ANKRD30BL: variants seen among roughly 807,000 people sequenced by gnomAD.
ANKRD30BL encodes putative ankyrin repeat domain-containing protein 30B-like.
A neutral mutation model predicts 18.4 loss-of-function variants in ANKRD30BL; 20 were observed. The ratio of observed to expected loss-of-function variants is 1.09; its 90% CI spans 0.77 to 1.58. The LOEUF (loss-of-function observed/expected upper bound fraction) is 1.58. ANKRD30BL is among the 40% of genes most tolerant of loss of function. ANKRD30BL has a pLI of 0.00. For missense variants in ANKRD30BL, 224 were observed against 268.6 expected, an observed-to-expected ratio of 0.83 and a Z score of 1.16; for synonymous variants, 72 against 100.9, an observed-to-expected ratio of 0.71 and a Z score of 1.72.
intron 1 of ANKRD30BL, among the ~76,000 whole-genome samples, chr2:132,179,693 G>A (rs1688428714): frequency 6.6e-6 from 1 of 152,108 alleles, no homozygotes; most frequent in Admixed American, 6.5e-5. Flanking sequence ...CAGAAGGAGG[G>A]ATTGTTATCA....
intron 1 of ANKRD30BL, among the ~76,000 whole-genome samples, chr2:132,253,559 C>G (rs75496272): frequency 6.6e-6 from 1 of 152,144 alleles, no homozygotes; most frequent in Admixed American, 6.5e-5. Flanking sequence ...GCAGCATGCA[C>G]GACAGCACGA....
intron 1 of ANKRD30BL, among the ~76,000 whole-genome samples, chr2:132,203,882 G>T (rs1364431381): frequency 6.6e-6 from 1 of 152,078 alleles, no homozygotes; most frequent in Admixed American, 6.5e-5. Context: ...TCTGATTGAT[G>T]TTTAGATACT....
intron 1 of ANKRD30BL, among the ~76,000 whole-genome samples, chr2:132,232,968 C>A (rs984627244): frequency 3.2e-4 from 49 of 152,188 alleles, no homozygotes; most frequent in African/African-American, 1.1e-3. Context: ...GGAAGCCCAC[C>A]AGACTAACAG....
At chr2:132,187,104 G>A (rs1688574016) in intron 1 of ANKRD30BL, among the ~76,000 whole-genome samples, 1 of 147,538 alleles carries the variant, frequency 6.8e-6, no homozygotes, top group African/African-American at 2.5e-5. Flanking sequence ...AGGCAGCTAA[G>A]ATATTTATTT....
chr2:132,246,068 A>G (rs200366352), intron 1 of ANKRD30BL, among the ~76,000 whole-genome samples: 2 of 150,858 alleles, frequency 1.3e-5, no homozygotes, highest in Non-Finnish European at 1.5e-5. Flanking sequence ...CACTCTTTTT[A>G]TAGAATCTGC....
chr2:132,160,634 T>G (rs1041419358), intron 1 of ANKRD30BL, among the ~76,000 whole-genome samples: 1 of 150,992 alleles, frequency 6.6e-6, no homozygotes, highest in Non-Finnish European at 1.5e-5. Context: ...GAGACCGTGT[T>G]AGCCAGGATG....
At chr2:132,217,632 C>T (rs533221335) in intron 1 of ANKRD30BL, among the ~76,000 whole-genome samples, 3 of 152,370 alleles carry the variant, frequency 2.0e-5, no homozygotes, top group Admixed American at 2.0e-4. Context: ...TAGAAGTTTT[C>T]TCAGAAACTA....
At chr2:132,215,753 T>A (rs529381663) in intron 1 of ANKRD30BL, among the ~76,000 whole-genome samples, 1 of 152,044 alleles carries the variant, frequency 6.6e-6, no homozygotes, top group African/African-American at 2.4e-5. Flanking sequence ...TGTGCATTCA[T>A]CTCAGAGAGT....
intron 1 of ANKRD30BL, among the ~76,000 whole-genome samples, chr2:132,220,800 G>T (rs1270237706): frequency 6.6e-6 from 1 of 151,694 alleles, no homozygotes; most frequent in African/African-American, 2.4e-5. Flanking sequence ...TCTGGGAAGT[G>T]AGGAGCGTCT....
intron 1 of ANKRD30BL, among the ~76,000 whole-genome samples, chr2:132,220,396 G>A (rs567361079): frequency 7.1e-6 from 1 of 140,278 alleles, no homozygotes; most frequent in African/African-American, 2.7e-5. Flanking sequence ...TCCTTCCACG[G>A]TCTCCCTCTG....
chr2:132,160,565 A>T (rs923143738), intron 1 of ANKRD30BL, among the ~76,000 whole-genome samples: 4 of 151,198 alleles, frequency 2.6e-5, no homozygotes, highest in Non-Finnish European at 5.9e-5. Flanking sequence ...CAGCCTCCCA[A>T]GTATCTGGGA....
Position 132,232,800 on chromosome 2 carries a change from G to T in ANKRD30BL, n.441+24729C>A, listed in dbSNP as rs540361109. On this transcript the variant is annotated intron_variant and non_coding_transcript_variant, in intron 1 of 4. Transcript: ENST00000470729. ...AGGAGAACTTCCCCAATCTAGCAAG[G>T]CAGGCCAACATTCAGATTCAGGAAA... Among the ~76,000 whole-genome samples the T allele has an allele frequency of 7.6e-4, 116 of 152,120 alleles. 1 individual carries two copies. Among genetic ancestry groups the T allele is most frequent in the Non-Finnish European group, 1.4e-3 (92 of 67,994 alleles).
chr2:132,241,616 A>G lies in ANKRD30BL; in HGVS notation n.441+15913T>C, dbSNP rs545451669. Among the ~76,000 whole-genome samples, 7 of 151,388 alleles carry G rather than the reference A, an allele frequency of 4.6e-5. No homozygotes were observed. In the East Asian group the frequency reaches 1.4e-3, roughly 30 times the overall value. On this transcript the variant is annotated intron_variant and non_coding_transcript_variant, in intron 1 of 4. Transcript: ENST00000470729. ...TCTTTTGATACAGCAGTTTTGAATCACTCTTTTTGTAGAATCTGCAAGTGG... is the reference window on the plus strand; with the variant it reads ...TCTTTTGATACAGCAGTTTTGAATCGCTCTTTTTGTAGAATCTGCAAGTGG...
chr2:132,205,135 C>G (rs1679185244), intron 1 of ANKRD30BL, among the ~76,000 whole-genome samples: 1 of 152,060 alleles, frequency 6.6e-6, no homozygotes, highest in East Asian at 1.9e-4. Flanking sequence ...CATACACATT[C>G]TGAAGTATAA....
chr2:132,168,492 A>G (rs1180340011), intron 1 of ANKRD30BL, among the ~76,000 whole-genome samples: 1 of 152,218 alleles, frequency 6.6e-6, no homozygotes, highest in Non-Finnish European at 1.5e-5. Context: ...TAAGTAAAAT[A>G]AGCCAGACAC....
intron 1 of ANKRD30BL, among the ~76,000 whole-genome samples, chr2:132,254,647 T>C (rs945462065): frequency 9.9e-5 from 15 of 152,192 alleles, no homozygotes; most frequent in Non-Finnish European, 1.8e-4. Context: ...ATCTGCCACA[T>C]AGGGTAGGCA....
In ANKRD30BL at chr2:132,157,113, T is replaced by C. The variant is rs757586285; in HGVS notation, c.367A>G (p.Ile123Val). Residue 123 changes from isoleucine to valine, a missense_variant, in exon 3 of 6, where the codon ATT becomes GTT. Ile to Val is a conservative substitution (Grantham distance 29). This residue lies in a region of ANKRD30BL where 30 missense variants were observed against 77.5 expected (regional missense o/e 0.39). Transcript: ENST00000409867. ...LQCQREACAN[I>V]LIDSGADPNI... ...GGATCAGCACCAGAATCTATGAGAATATTTGCACAAGCCTCCCTCTGGCAT... is the reference window on the plus strand; with the variant it reads ...GGATCAGCACCAGAATCTATGAGAACATTTGCACAAGCCTCCCTCTGGCAT... The C allele has an allele frequency of 1.4e-6, 2 of 1,448,246 alleles. No individual in the cohort carries two copies. Among genetic ancestry groups the C allele is most frequent in the South Asian group, 2.6e-5 (2 of 78,310 alleles). The allele number at this position is 1,448,246 out of a possible 1,614,324, so 89.7% of individuals were successfully genotyped here. A position where few individuals can be genotyped will look rare whatever the true frequency, so the allele number is the denominator to read the frequency against.
intron 1 of ANKRD30BL, among the ~76,000 whole-genome samples, chr2:132,221,407 G>C (rs1338203025): frequency 7.3e-6 from 1 of 136,950 alleles, no homozygotes; most frequent in African/African-American, 3.0e-5. Flanking sequence ...CGCCCCGTCC[G>C]GGAGGGAGGT....
chr2:132,163,395 T>A (rs1008571675), upstream of ANKRD30BL, among the ~76,000 whole-genome samples: 45 of 151,954 alleles, frequency 3.0e-4, no homozygotes, highest in African/African-American at 9.9e-4. Context: ...GTGGGTACAG[T>A]AAACTGATTG....
Sources: allele counts gnomAD v4.1 joint callset (sites outside exome capture counted in the v4.1 genomes callset), GRCh38; gene constraint gnomAD v4.1.1; regional missense constraint gnomAD v4.1.1; transcripts MANE v1.5; gene names NCBI Gene and HGNC (gene_info 2026-07-23, HGNC 2026-07-21).